Variants in ZIM2 observed in about 807,000 individuals in gnomAD.
The protein encoded by ZIM2 is zinc finger protein 656.
A neutral mutation model predicts 38.6 loss-of-function variants in ZIM2; 14 were observed. That is an observed-to-expected ratio of 0.36 (90% CI 0.24 to 0.57). The LOEUF (loss-of-function observed/expected upper bound fraction) is 0.57, where lower values mean the gene tolerates loss of function less well. ZIM2 is among the 20% of genes least tolerant of loss of function. The probability of loss-of-function intolerance (pLI) is 0.81; values close to 1 mark genes in which losing one functional copy is unlikely to be tolerated. For synonymous variants in ZIM2, 247 were observed against 245.8 expected (o/e 1.00, Z -0.04); for missense variants, 680 against 695.1 (o/e 0.98, Z 0.24).
At chr19:56,808,778 G>T (rs531682952) in intron 9 of ZIM2, among the ~76,000 whole-genome samples, 1 of 152,152 alleles carries the variant, frequency 6.6e-6, no homozygotes, top group South Asian at 2.1e-4. Flanking sequence ...AGGGCAGGCA[G>T]TTCAGCCAGA....
intron 9 of ZIM2, chr19:56,798,926 C>T (rs1202206248): frequency 6.6e-6 from 1 of 152,128 alleles, no homozygotes; most frequent in Non-Finnish European, 1.5e-5. Flanking sequence ...CCATCTCACA[C>T]CAGTCAGAAT....
intron 2 of ZIM2, among the ~76,000 whole-genome samples, chr19:56,832,004 C>T (rs77472192): frequency 0.043 from 6,481 of 152,222 alleles, 204 homozygotes; most frequent in Non-Finnish European, 0.062. Context: ...AATAATCAAA[C>T]ATATGGCAGT....
At chr19:56,795,598 A>T (rs1191012714) in intron 9 of ZIM2, among the ~76,000 whole-genome samples, 1 of 152,216 alleles carries the variant, frequency 6.6e-6, no homozygotes, top group Non-Finnish European at 1.5e-5. Flanking sequence ...GCTCCTGGCC[A>T]AGTGCCCTGT....
intron 9 of ZIM2, among the ~76,000 whole-genome samples, chr19:56,809,636 C>T (rs1423528539): frequency 6.6e-6 from 1 of 152,128 alleles, no homozygotes; most frequent in East Asian, 1.9e-4. Flanking sequence ...AAAAACAGTA[C>T]AGAGATGACC....
chr19:56,788,654 T>C (rs987648639), intron 10 of ZIM2, among the ~76,000 whole-genome samples: 1 of 152,176 alleles, frequency 6.6e-6, no homozygotes, highest in Non-Finnish European at 1.5e-5. Flanking sequence ...AGGAGTATTT[T>C]TGTGGTGGTC....
At chr19:56,786,931 G>C (rs2046638488) in intron 10 of ZIM2, among the ~76,000 whole-genome samples, 2 of 152,156 alleles carry the variant, frequency 1.3e-5, no homozygotes, top group African/African-American at 4.8e-5. Flanking sequence ...CCACCTCCTG[G>C]GTTCAAGCAA....
At chr19:56,802,747 C>T (rs1298771240) in intron 9 of ZIM2, among the ~76,000 whole-genome samples, 2 of 152,188 alleles carry the variant, frequency 1.3e-5, no homozygotes, top group African/African-American at 2.4e-5. Context: ...ACTGTGTTGA[C>T]CCAGGTGTTC....
intron 9 of ZIM2, among the ~76,000 whole-genome samples, chr19:56,794,616 C>T (rs1410432990): frequency 6.6e-6 from 1 of 152,188 alleles, no homozygotes; most frequent in African/African-American, 2.4e-5. Flanking sequence ...TCAACGGCTA[C>T]CAACTTCTTC....
chr19:56,781,589 T>C (rs73935697), intron 11 of ZIM2, among the ~76,000 whole-genome samples: 1 of 152,182 alleles, frequency 6.6e-6, no homozygotes, highest in African/African-American at 2.4e-5. Context: ...CTGCTTGGGG[T>C]TAAATCCCAG....
chr19:56,808,189 G>A (rs574981069), intron 9 of ZIM2, among the ~76,000 whole-genome samples: 1 of 152,280 alleles, frequency 6.6e-6, no homozygotes, highest in Admixed American at 6.5e-5. Flanking sequence ...ATGGGGTCAG[G>A]ATAGTCCACC....
At chr19:56,828,284 A>G (rs2061254141) in intron 2 of ZIM2, among the ~76,000 whole-genome samples, 1 of 152,220 alleles carries the variant, frequency 6.6e-6, no homozygotes, top group Non-Finnish European at 1.5e-5. Context: ...ATCAACTTTG[A>G]AACCTGTTAG....
chr19:56,822,582 TG>T, intron 6 of ZIM2, 170 bp downstream of exon 6: 2 of 764,800 alleles, frequency 2.6e-6, no homozygotes, highest in South Asian at 3.6e-5. Flanking sequence ...CCTGTGCTGG[TG>T]GTACCGAGTG....
intron 6 of ZIM2, 34 bp from the exon 7 acceptor site, chr19:56,821,788 G>A (rs375396925): frequency 1.2e-6 from 2 of 1,610,056 alleles, no homozygotes; most frequent in Non-Finnish European, 1.7e-6. Context: ...AAGAAGCAGG[G>A]CCCAGTCCAT....
At chr19:56,815,675 A>G (rs1196575751) in intron 9 of ZIM2, 1 of 1,614,182 alleles carries the variant, frequency 6.2e-7, no homozygotes, top group Non-Finnish European at 8.5e-7. Flanking sequence ...CTGGGAACAG[A>G]GAATTCGCCA....
At chr19:56,780,245 CTTTT>C (rs66492427) in intron 11 of ZIM2, among the ~76,000 whole-genome samples, 1 of 129,348 alleles carries the variant, frequency 7.7e-6, no homozygotes, top group Non-Finnish European at 1.7e-5. Flanking sequence ...TTTCTTTTTT[CTTTT>C]TTTTTTTTTT....
At chr19:56,839,839 CGAT>C (rs1487343526) in intron 1 of ZIM2, among the ~76,000 whole-genome samples, 1 of 149,926 alleles carries the variant, frequency 6.7e-6, no homozygotes, top group Non-Finnish European at 1.5e-5. Flanking sequence ...CTTGAGCAGA[CGAT>C]TACGTCCAAT....
chr19:56,816,921 A>G (rs2060032700), intron 9 of ZIM2: 1 of 1,614,208 alleles, frequency 6.2e-7, no homozygotes, highest in Non-Finnish European at 8.5e-7. Flanking sequence ...CACAGTCCTT[A>G]CATTCAAAAC....
At chr19:56,839,742 C>T (rs1028015313) in intron 1 of ZIM2, among the ~76,000 whole-genome samples, 6 of 152,218 alleles carry the variant, frequency 3.9e-5, no homozygotes, top group African/African-American at 1.4e-4. Context: ...AGCTTTGCCT[C>T]GCCCCATCTG....
chr19:56,831,906 T>C (rs1340551107), intron 2 of ZIM2, among the ~76,000 whole-genome samples: 3 of 152,228 alleles, frequency 2.0e-5, no homozygotes, highest in African/African-American at 7.2e-5. Flanking sequence ...CACAATGGAA[T>C]ATAATGCAGT....
Sources: allele counts gnomAD v4.1 joint callset (sites outside exome capture counted in the v4.1 genomes callset), GRCh38; gene constraint gnomAD v4.1.1; transcripts MANE v1.5; gene names NCBI Gene and HGNC (gene_info 2026-07-23, HGNC 2026-07-21).